Variants in STXBP5L observed in about 807,000 individuals in gnomAD.
STXBP5L encodes the protein syntaxin-binding protein 5-like.
STXBP5L carries 65 observed loss-of-function variants against 144.5 expected under a neutral mutation model. The ratio of observed to expected loss-of-function variants is 0.45; its 90% CI spans 0.37 to 0.55. The LOEUF (loss-of-function observed/expected upper bound fraction) is 0.55. STXBP5L is among the 20% of genes least tolerant of loss of function. The probability of loss-of-function intolerance (pLI) is 0.00; values close to 1 mark genes in which losing one functional copy is unlikely to be tolerated. For missense variants in STXBP5L, 1,298 were observed against 1,405.5 expected (o/e 0.92, Z 1.22); for synonymous variants, 505 against 469.6 (o/e 1.08, Z -0.97).
chr3:121,042,359 T>C (rs1947219867), intron 4 of STXBP5L, among the ~76,000 whole-genome samples: 1 of 152,200 alleles, frequency 6.6e-6, no homozygotes, highest in South Asian at 2.1e-4. Flanking sequence ...TTTATGAAGC[T>C]CAGAGAGGTT....
chr3:121,363,460 G>A (rs553656246), intron 20 of STXBP5L, among the ~76,000 whole-genome samples: 1 of 152,222 alleles, frequency 6.6e-6, no homozygotes, highest in African/African-American at 2.4e-5. Flanking sequence ...CTCTGGCTAG[G>A]GATGGTTGAA....
Position 121,419,178 on chromosome 3 carries a change from A to G in STXBP5L, c.*81A>G. The G allele has an allele frequency of 7.6e-7, 1 of 1,315,530 alleles. No individual in the cohort carries two copies. The highest frequency in any genetic ancestry group is 2.4e-5 in the East Asian group (1 of 41,046). The allele number at this position is 1,315,530 out of a possible 1,614,324, so 81.5% of individuals were successfully genotyped here. A position where few individuals can be genotyped will look rare whatever the true frequency, so the allele number is the denominator to read the frequency against. ...TTCCCAGCATCACTACTCAACTGCT[A>G]GAAGCCAGTTTCTTCTACAAAATGT... On this transcript the variant is annotated 3_prime_UTR_variant, in exon 27 of 27. Coordinates refer to ENST00000471454, the MANE Select transcript of STXBP5L (RefSeq NM_001308330.2).
intron 3 of STXBP5L, among the ~76,000 whole-genome samples, chr3:120,972,313 T>C (rs1940364652): frequency 6.6e-6 from 1 of 152,144 alleles, no homozygotes; most frequent in Non-Finnish European, 1.5e-5. Flanking sequence ...TATTTCTAGA[T>C]ATACATTTTT....
chr3:121,183,754 G>T (rs1450437891), intron 9 of STXBP5L, among the ~76,000 whole-genome samples: 1 of 152,084 alleles, frequency 6.6e-6, no homozygotes, highest in East Asian at 1.9e-4. Context: ...CCTGACCCCT[G>T]TGCCTCCTGA....
chr3:121,213,669 T>G, intron 10 of STXBP5L, among the ~76,000 whole-genome samples: 1 of 112,186 alleles, frequency 8.9e-6, no homozygotes. Context: ...TGGCCTGAAA[T>G]TTTGTTGTTG....
At chr3:121,006,298 A>G (rs574711275) in intron 3 of STXBP5L, among the ~76,000 whole-genome samples, 1 of 152,188 alleles carries the variant, frequency 6.6e-6, no homozygotes, top group Admixed American at 6.5e-5. Flanking sequence ...TCCCTTTACC[A>G]TTATGTAATG....
intron 20 of STXBP5L, among the ~76,000 whole-genome samples, chr3:121,332,236 A>T (rs367994906): frequency 1.3e-5 from 2 of 152,008 alleles, no homozygotes; most frequent in Non-Finnish European, 2.9e-5. Flanking sequence ...GTCTTCCACA[A>T]TGGATCCAAA....
intron 22 of STXBP5L, among the ~76,000 whole-genome samples, chr3:121,392,770 C>CATATAT (rs71133531): frequency 0.056 from 6,215 of 111,590 alleles, 224 homozygotes; most frequent in Non-Finnish European, 0.066. Flanking sequence ...TATTTCATGG[C>CATATAT]ATATATATAT....
At chr3:121,020,393 A>T (rs1405227557) in intron 3 of STXBP5L, among the ~76,000 whole-genome samples, 1 of 152,220 alleles carries the variant, frequency 6.6e-6, no homozygotes, top group Non-Finnish European at 1.5e-5. Flanking sequence ...TAGACATCCA[A>T]ATACGAGAAG....
intron 3 of STXBP5L, among the ~76,000 whole-genome samples, chr3:120,972,643 T>C (rs1940406909): frequency 6.6e-6 from 1 of 152,096 alleles, no homozygotes; most frequent in Non-Finnish European, 1.5e-5. Flanking sequence ...TCTTGTCTTT[T>C]CCAGTTGTTA....
At chr3:120,977,033 T>C (rs1260780352) in intron 3 of STXBP5L, among the ~76,000 whole-genome samples, 3 of 152,092 alleles carry the variant, frequency 2.0e-5, no homozygotes, top group African/African-American at 7.2e-5. Context: ...TGATTTGGGG[T>C]GGAGAGTTCT....
intron 2 of STXBP5L, among the ~76,000 whole-genome samples, chr3:120,939,606 A>G (rs1710456749): frequency 6.6e-6 from 1 of 152,194 alleles, no homozygotes; most frequent in Non-Finnish European, 1.5e-5. Context: ...TGTGTAGCTC[A>G]TGAGGGAATC....
intron 5 of STXBP5L, among the ~76,000 whole-genome samples, chr3:121,107,902 G>A (rs558921361): frequency 6.6e-6 from 1 of 152,230 alleles, no homozygotes; most frequent in Admixed American, 6.5e-5. Flanking sequence ...GCAGTGGTTT[G>A]TAGTTCTCCT....
intron 3 of STXBP5L, among the ~76,000 whole-genome samples, chr3:121,005,198 G>A (rs1041815631): frequency 1.3e-5 from 2 of 152,078 alleles, no homozygotes; most frequent in South Asian, 2.1e-4. Flanking sequence ...TTTTTGGTTG[G>A]TAGGCTATTA....
In STXBP5L at chr3:121,351,614, CA is replaced by C. The variant is rs2045285590; in HGVS notation, c.2177-27097del. 2.6e-5 allele frequency among the ~76,000 whole-genome samples: 4 copies of C among 152,080 alleles called. No homozygotes were observed. The South Asian group carries it at 8.3e-4, about 31-fold the overall frequency. On this transcript the variant is annotated intron_variant, in intron 20 of 26. Transcript: ENST00000471454. ...AGCCCTTTGTCAGATAGGTAGATTG[CA>C]AAAATTTTCTCCCATTTATATGGTG...
At chr3:120,930,105 C>A (rs904334632) in intron 2 of STXBP5L, among the ~76,000 whole-genome samples, 23 of 149,524 alleles carry the variant, frequency 1.5e-4, no homozygotes, top group African/African-American at 4.6e-4. Context: ...ATTGACTTAT[C>A]CTTAGTGATT....
intron 3 of STXBP5L, among the ~76,000 whole-genome samples, chr3:120,959,056 G>C (rs1317202836): frequency 1.3e-5 from 2 of 152,164 alleles, no homozygotes; most frequent in African/African-American, 2.4e-5. Flanking sequence ...CTTCAGCAAA[G>C]TCTCAGGATA....
At chr3:121,135,721 A>G (rs79488151) in intron 7 of STXBP5L, among the ~76,000 whole-genome samples, 4,800 of 152,248 alleles carry the variant, frequency 0.032, 105 homozygotes, top group Admixed American at 0.045. Context: ...CTTACCTGCC[A>G]TTCACCTCCT....
At chr3:120,951,858 A>G (rs1237638493) in intron 2 of STXBP5L, among the ~76,000 whole-genome samples, 3 of 152,242 alleles carry the variant, frequency 2.0e-5, no homozygotes, top group Admixed American at 2.0e-4. Context: ...ATGCACACGT[A>G]TGTTTATTGC....
Sources: allele counts gnomAD v4.1 joint callset (sites outside exome capture counted in the v4.1 genomes callset), GRCh38; gene constraint gnomAD v4.1.1; transcripts MANE v1.5; gene names NCBI Gene and HGNC (gene_info 2026-07-23, HGNC 2026-07-21).